KCNN3: variants seen among roughly 807,000 people sequenced by gnomAD.
KCNN3 encodes the protein small conductance calcium-activated potassium channel protein 3.
Under a neutral mutation model 62.9 loss-of-function variants are expected in KCNN3, and 16 were observed. That is an observed-to-expected ratio of 0.25 (90% CI 0.17 to 0.39). The LOEUF is 0.39. KCNN3 is among the 10% of genes least tolerant of loss of function. The pLI is 1.00. For missense variants in KCNN3, 599 were observed against 949.4 expected (o/e 0.63, Z 4.85); for synonymous variants, 370 against 389.2 (o/e 0.95, Z 0.58).
intron 2 of KCNN3, among the ~76,000 whole-genome samples, chr1:154,773,647 A>G (rs1648666717): frequency 6.6e-6 from 1 of 152,066 alleles, no homozygotes. Flanking sequence ...GTGTGTGGGA[A>G]CCACCCCCTC....
chr1:154,773,590 A>C (rs1239116400), intron 2 of KCNN3, among the ~76,000 whole-genome samples: 4 of 152,116 alleles, frequency 2.6e-5, no homozygotes, highest in Non-Finnish European at 4.4e-5. Context: ...ATCAGGCTTG[A>C]GTTATATTGC....
At chr1:154,820,067 A>G (rs1650827183) in intron 2 of KCNN3, among the ~76,000 whole-genome samples, 1 of 152,250 alleles carries the variant, frequency 6.6e-6, no homozygotes, top group Non-Finnish European at 1.5e-5. Flanking sequence ...GACCCCCAAT[A>G]GCATCATCTA....
At chr1:154,754,408 G>T (rs970965681) in intron 3 of KCNN3, among the ~76,000 whole-genome samples, 1 of 152,082 alleles carries the variant, frequency 6.6e-6, no homozygotes, top group Non-Finnish European at 1.5e-5. Flanking sequence ...CTGAGAGATG[G>T]TTGCAGCCCA....
At chr1:154,763,396 C>A (rs1280336082) in intron 3 of KCNN3, among the ~76,000 whole-genome samples, 1 of 151,986 alleles carries the variant, frequency 6.6e-6, no homozygotes, top group African/African-American at 2.4e-5. Context: ...AAAATGGGGT[C>A]TCCCTATGTT....
chr1:154,760,845 G>GGC (rs936583697), intron 3 of KCNN3, among the ~76,000 whole-genome samples: 1 of 134,258 alleles, frequency 7.4e-6, no homozygotes, highest in African/African-American at 2.8e-5. Context: ...CTCCAAGGGA[G>GGC]GCGCGCGCCC....
intron 3 of KCNN3, among the ~76,000 whole-genome samples, chr1:154,736,790 C>T (rs959935776): frequency 6.6e-6 from 1 of 152,262 alleles, no homozygotes; most frequent in Admixed American, 6.5e-5. Flanking sequence ...GATTAGAGAT[C>T]AAAGTGGAAT....
intron 1 of KCNN3, among the ~76,000 whole-genome samples, chr1:154,858,767 C>G (rs1363677020): frequency 6.7e-6 from 1 of 148,534 alleles, no homozygotes; most frequent in Non-Finnish European, 1.5e-5. Context: ...GACAAGGTGT[C>G]ACTATGTTGC....
intron 1 of KCNN3, among the ~76,000 whole-genome samples, chr1:154,824,589 A>G (rs1384935003): frequency 5.3e-5 from 8 of 152,222 alleles, no homozygotes; most frequent in African/African-American, 9.7e-5. Flanking sequence ...TTTTCCATCC[A>G]GAAATGACCA....
intron 3 of KCNN3, among the ~76,000 whole-genome samples, chr1:154,754,750 A>T (rs1343011529): frequency 1.3e-5 from 2 of 152,248 alleles, no homozygotes; most frequent in East Asian, 3.8e-4. Flanking sequence ...CCTGCTATAG[A>T]CACCTTTCCG....
chr1:154,829,570 C>T (rs1419500251), intron 1 of KCNN3, among the ~76,000 whole-genome samples: 1 of 152,170 alleles, frequency 6.6e-6, no homozygotes. Context: ...AAAGCTGAGA[C>T]AAGACCATCC....
chr1:154,721,597 G>A (rs1012661049), intron 5 of KCNN3, among the ~76,000 whole-genome samples: 16 of 152,074 alleles, frequency 1.1e-4, no homozygotes, highest in Admixed American at 3.3e-4. Context: ...CACCGCACCC[G>A]GCCCACTCTA....
intron 2 of KCNN3, among the ~76,000 whole-genome samples, chr1:154,789,287 C>T (rs956388059): frequency 6.6e-6 from 1 of 152,130 alleles, no homozygotes; most frequent in Non-Finnish European, 1.5e-5. Context: ...CTTGTGATTA[C>T]GTTTAGATCC....
At chr1:154,737,095 G>A (rs770293986) in intron 3 of KCNN3, 3 of 700,986 alleles carry the variant, frequency 4.3e-6, no homozygotes, top group Middle Eastern at 2.3e-4. Context: ...AGGACTGTGG[G>A]AGTAGAGAGG....
At chr1:154,732,875 C>T in intron 4 of KCNN3, 128 bp downstream of exon 4, 1 of 894,064 alleles carries the variant, frequency 1.1e-6, no homozygotes, top group South Asian at 1.3e-5. Flanking sequence ...AGGGGACACA[C>T]ATGCAGGTCG....
rs557528872 is a variant in KCNN3 at position 154,809,060 on chromosome 1, G to A, written c.1029+13029C>T. Among the ~76,000 whole-genome samples, 552 of 152,318 alleles carry A rather than the reference G, an allele frequency of 3.6e-3. 2 individuals carry two copies. The highest frequency in any genetic ancestry group is 6.3e-3 in the Non-Finnish European group (427 of 68,022). ...TGTGGCTGTGCCTGATGTAGTCACA[G>A]GTCAGTGGTCATAGCCAGGCCCAGC... On this transcript the variant is annotated intron_variant, in intron 2 of 7. Coordinates refer to ENST00000271915, the MANE Select transcript of KCNN3 (RefSeq NM_002249.6). The surrounding 1 kb of genome is among the most constrained non-coding windows in gnomAD (Gnocchi z 4.3).
chr1:154,849,873 T>C (rs1652234858), intron 1 of KCNN3, among the ~76,000 whole-genome samples: 1 of 152,188 alleles, frequency 6.6e-6, no homozygotes, highest in Non-Finnish European at 1.5e-5. Flanking sequence ...TAAAGGACTA[T>C]AATATCCCTC....
At chr1:154,826,546 C>T (rs1378550975) in intron 1 of KCNN3, among the ~76,000 whole-genome samples, 1 of 119,046 alleles carries the variant, frequency 8.4e-6, no homozygotes, top group Non-Finnish European at 1.8e-5. Context: ...CCTCCAGGTT[C>T]CATTGCCCCG....
At chr1:154,755,504 G>C (rs79769344) in intron 3 of KCNN3, among the ~76,000 whole-genome samples, 1 of 109,798 alleles carries the variant, frequency 9.1e-6, no homozygotes, top group African/African-American at 3.3e-5. Context: ...AGAAAGAAAG[G>C]AAGAAAGAAA....
At chr1:154,749,059 G>A (rs1701000841) in intron 3 of KCNN3, among the ~76,000 whole-genome samples, 1 of 152,190 alleles carries the variant, frequency 6.6e-6, no homozygotes, top group Non-Finnish European at 1.5e-5. Context: ...AAAAAGGGAG[G>A]TGAGATGAGT....
Sources: gnomAD v4.1 joint callset for allele counts (sites outside exome capture counted in the v4.1 genomes callset) on GRCh38, gnomAD v4.1.1 for gene constraint, Gnocchi (gnomAD v3.1) non-coding constraint, MANE v1.5 for transcripts, NCBI Gene and HGNC (gene_info 2026-07-23, HGNC 2026-07-21) for gene names.